The following PDCD11 variants were observed in gnomAD, a reference collection of about 807,000 sequenced individuals.
PDCD11 encodes the protein programmed cell death 11, also known as protein RRP5 homolog.
PDCD11 carries 97 observed loss-of-function variants against 198.9 expected under a neutral mutation model. The ratio of observed to expected loss-of-function variants is 0.49; its 90% confidence interval spans 0.41 to 0.58. The LOEUF (loss-of-function observed/expected upper bound fraction) is 0.58. Among genes scored for constraint, PDCD11 ranks in the 20% least tolerant of loss-of-function variants. The probability of loss-of-function intolerance (pLI) is 0.00; values close to 1 mark genes in which losing one functional copy is unlikely to be tolerated. For missense variants in PDCD11, 2,102 were observed against 2,312.7 expected, an observed-to-expected ratio of 0.91 and a Z score of 1.87; for synonymous variants, 893 against 918.0, an observed-to-expected ratio of 0.97 and a Z score of 0.49.
intron 4 of PDCD11, among the ~76,000 whole-genome samples, chr10:103,404,386 G>T (rs894068125): frequency 6.6e-6 from 1 of 151,272 alleles, no homozygotes; most frequent in African/African-American, 2.4e-5. Context: ...GCAACCTCCA[G>T]CTCCCAGATT....
Position 103,439,928 on chromosome 10 carries a change from G to A in PDCD11, c.4148+60G>A, listed in dbSNP as rs911394456. 6 of 1,595,336 alleles carry A rather than the reference G, an allele frequency of 3.8e-6. No individual in the cohort carries two copies. The African/African-American group carries it at 8.1e-5, about 21-fold the overall frequency. ...GTGAATCAAACCCCTTTCTCCAGGA[G>A]CCCTGGGAGGAGATTTCAGGGTGAA... On this transcript the variant is annotated intron_variant, in intron 28 of 35. Coordinates refer to ENST00000369797, the MANE Select transcript of PDCD11 (RefSeq NM_014976.2).
chr10:103,441,945 C>T lies in PDCD11; in HGVS notation c.4677C>T (p.Ser1559=), dbSNP rs762886150. The T allele has an allele frequency of 9.3e-6, 15 of 1,614,222 alleles. No homozygotes were observed. Among genetic ancestry groups the T allele is most frequent in the African/African-American group, 2.7e-5 (2 of 75,062 alleles). The change falls in exon 31 of 36, where the codon AGC becomes AGT. Residue 1559 remains serine (S), a synonymous_variant. Coordinates refer to ENST00000369797, the MANE Select transcript of PDCD11 (RefSeq NM_014976.2). ...CACCTCTAGCAGAGAGCTCAGACAGCGAGGAGGATGAGAAGCCACACCAAG... is the reference window on the plus strand; with the variant it reads ...CACCTCTAGCAGAGAGCTCAGACAGTGAGGAGGATGAGAAGCCACACCAAG... ...ALPPLAESSD[S]EEDEKPHQAT... is the part of the protein sequence containing the mutation.
chr10:103,430,906 C>G (rs945411722), intron 21 of PDCD11, among the ~76,000 whole-genome samples: 6 of 151,916 alleles, frequency 3.9e-5, no homozygotes, highest in African/African-American at 9.7e-5. Flanking sequence ...TGAAGTGATT[C>G]TCCTGCCTCA....
chr10:103,414,195 A>G, intron 10 of PDCD11, 75 bp from the exon 11 acceptor site: 3 of 1,578,246 alleles, frequency 1.9e-6, no homozygotes, highest in East Asian at 4.5e-5. Flanking sequence ...TCTTGCCAGC[A>G]TGCCTGTGGT....
chr10:103,425,671 C>A, intron 20 of PDCD11, 146 bp downstream of exon 20: 1 of 695,986 alleles, frequency 1.4e-6, no homozygotes, highest in Non-Finnish European at 2.4e-6. Flanking sequence ...AATTATTTTG[C>A]AAGATTCTTT....
At chr10:103,418,073 G>A in intron 14 of PDCD11, 141 bp downstream of exon 14, 4 of 864,094 alleles carry the variant, frequency 4.6e-6, no homozygotes, top group South Asian at 3.1e-5. Context: ...GGGTTCATAC[G>A]CATTCCTTCC....
chr10:103,411,500 G>A (rs2030805098), intron 8 of PDCD11, among the ~76,000 whole-genome samples: 1 of 152,110 alleles, frequency 6.6e-6, no homozygotes. Context: ...TGAGTAGCTG[G>A]GACTACGGAT....
chr10:103,409,225 T>C (rs2030645280), intron 7 of PDCD11, among the ~76,000 whole-genome samples: 1 of 152,170 alleles, frequency 6.6e-6, no homozygotes, highest in African/African-American at 2.4e-5. Context: ...ACCACTATCT[T>C]TTGAGGGGAT....
chr10:103,398,315 A>C, intron 1 of PDCD11, 101 bp from the exon 2 acceptor site: 1 of 726,056 alleles, frequency 1.4e-6, no homozygotes. Context: ...AATGTTGTCT[A>C]GCATATTGCT....
chr10:103,399,107 GTTTT>G (rs71019680), intron 2 of PDCD11, among the ~76,000 whole-genome samples: 2 of 125,992 alleles, frequency 1.6e-5, no homozygotes, highest in African/African-American at 2.9e-5. Context: ...AGAGGAAGCA[GTTTT>G]TTTTTTTTTT....
At chr10:103,410,786 T>G (rs1460758440) in intron 8 of PDCD11, among the ~76,000 whole-genome samples, 1 of 151,632 alleles carries the variant, frequency 6.6e-6, no homozygotes, top group Non-Finnish European at 1.5e-5. Flanking sequence ...TAAAAAAAAT[T>G]TTTTTTAGGC....
chr10:103,432,268 ATTC>A (rs755932604), intron 22 of PDCD11, 34 bp downstream of exon 22: 67 of 1,407,040 alleles, frequency 4.8e-5, no homozygotes, highest in Non-Finnish European at 6.4e-5. Flanking sequence ...ATGAGATGTC[ATTC>A]TTCTTTCAGA....
intron 32 of PDCD11, 85 bp from the exon 33 acceptor site, chr10:103,443,080 G>C: frequency 8.2e-7 from 1 of 1,212,284 alleles, no homozygotes. Flanking sequence ...GCTGGGAGGG[G>C]GAGGTGGTTC....
chr10:103,443,903 C>G lies in PDCD11; in HGVS notation c.5125-12C>G. Reference sequence around the variant, plus strand: ...TCACACTCTCCTCAGCGTGCCTCGTCTTTTCCCACAGGAAGCTGGTGAACT... The same window carrying G: ...TCACACTCTCCTCAGCGTGCCTCGTGTTTTCCCACAGGAAGCTGGTGAACT... On this transcript the variant is annotated splice_polypyrimidine_tract_variant and intron_variant, in intron 33 of 35. Coordinates refer to ENST00000369797, the MANE Select transcript of PDCD11 (RefSeq NM_014976.2). 1 of 1,613,670 alleles carries G rather than the reference C, an allele frequency of 6.2e-7. No homozygotes were observed. The highest frequency in any genetic ancestry group is 8.5e-7 in the Non-Finnish European group (1 of 1,179,678).
At chr10:103,434,554 T>C (rs1465494466) in intron 24 of PDCD11, 1 of 597,758 alleles carries the variant, frequency 1.7e-6, no homozygotes, top group Non-Finnish European at 3.0e-6. Flanking sequence ...CCTTTACCTA[T>C]ACAGGTTACC....
In PDCD11 at chr10:103,421,464, G is replaced by A; in HGVS notation, c.2394G>A (p.Arg798=). The change falls in exon 17 of 36, where the codon CGG becomes CGA. Residue 798 remains arginine (R), a synonymous_variant. Coordinates refer to ENST00000369797, the MANE Select transcript of PDCD11 (RefSeq NM_014976.2). The stretch of plus-strand genomic sequence containing the variant: ...AGCAGCGGATGCTGCTGTCACTGCG[G>A]CTGTCGGACTGTGGTCTGGGGGACT... ...EEKQRMLLSL[R]LSDCGLGDLA... is the part of the protein sequence containing the mutation. 2 of 1,602,744 alleles carry A rather than the reference G, an allele frequency of 1.2e-6. No homozygotes were observed. The highest frequency in any genetic ancestry group is 1.7e-6 in the Non-Finnish European group (2 of 1,174,634).
chr10:103,432,359 G>A (rs2031972139), intron 22 of PDCD11, 125 bp downstream of exon 22: 2 of 695,404 alleles, frequency 2.9e-6, no homozygotes, highest in Non-Finnish European at 5.1e-6. Flanking sequence ...CTGGGTTTGT[G>A]GGAGACAGTA....
intron 27 of PDCD11, 125 bp downstream of exon 27, chr10:103,438,933 C>A: frequency 1.1e-6 from 1 of 922,978 alleles, no homozygotes; most frequent in Non-Finnish European, 1.7e-6. Flanking sequence ...GTTTATGAGT[C>A]CCCACTCATT....
intron 8 of PDCD11, among the ~76,000 whole-genome samples, chr10:103,412,177 T>C (rs1291752620): frequency 6.6e-6 from 1 of 151,726 alleles, no homozygotes; most frequent in African/African-American, 2.4e-5. Flanking sequence ...TTTTTTTTTC[T>C]TGAGACTGAG....
Sources: allele counts gnomAD v4.1 joint callset (sites outside exome capture counted in the v4.1 genomes callset), GRCh38; gene constraint gnomAD v4.1.1; transcripts MANE v1.5; gene names NCBI Gene and HGNC (gene_info 2026-07-23, HGNC 2026-07-21).